Variants in ZC4H2 observed in about 807,000 individuals in gnomAD.
The protein encoded by ZC4H2 is zinc finger C4H2-type containing.
For synonymous variants in ZC4H2, 84 were observed against 66.3 expected (o/e 1.27, Z -1.30); for missense variants, 137 against 173.9 (o/e 0.79, Z 1.19).
At position 64,968,429 on chromosome X, in the gene ZC4H2, T is replaced by C. The variant is rs186368372; in HGVS notation, c.53+7896A>G. Among the ~76,000 whole-genome samples, 4 of 111,321 alleles carry C rather than the reference T, an allele frequency of 3.6e-5. No individual in the cohort carries two copies. In the East Asian group the frequency reaches 1.1e-3, roughly 32 times the overall value. ...GTGAATTCTTGTCCTGGCTCAGTCA[T>C]CAATTTTCAGGGTGAAATAGTGCAC... On this transcript the variant is annotated intron_variant, in intron 1 of 4. Transcript: ENST00000374839.
intron 1 of ZC4H2, among the ~76,000 whole-genome samples, chrX:64,949,303 G>A (rs1013997359): frequency 7.1e-5 from 8 of 112,043 alleles, no homozygotes; most frequent in Admixed American, 4.8e-4. Context: ...AGACTGTTTG[G>A]AAAGCTAAGG....
intron 1 of ZC4H2, among the ~76,000 whole-genome samples, chrX:65,001,929 G>A (rs749984599): frequency 3.9e-4 from 43 of 111,490 alleles, no homozygotes; most frequent in African/African-American, 1.3e-3. Context: ...CAGAAGCACC[G>A]AGTTTCATAA....
chrX:64,995,470 C>T (rs767938445), intron 1 of ZC4H2, among the ~76,000 whole-genome samples: 1 of 112,124 alleles, frequency 8.9e-6, no homozygotes, highest in South Asian at 3.7e-4. Context: ...AGTGATCCTC[C>T]CACCTCAGCT....
intron 1 of ZC4H2, among the ~76,000 whole-genome samples, chrX:65,032,723 TTTC>T (rs1932947907): frequency 2.0e-5 from 2 of 101,871 alleles, no homozygotes; most frequent in African/African-American, 3.6e-5. Context: ...TCCTCTAATG[TTTC>T]TTCTTTCTTT....
Position 64,941,796 on chromosome X carries a change from A to T in ZC4H2, c.54-19808T>A, listed in dbSNP as rs1228608973. On this transcript the variant is annotated intron_variant, in intron 1 of 4. Coordinates refer to ENST00000374839, the MANE Select transcript of ZC4H2 (RefSeq NM_018684.4). The stretch of plus-strand genomic sequence containing the variant: ...GATGTGCTGCTGGATTCGGTTTGCC[A>T]GTATTTCTCATTGATGTTAATCAGC... Among the ~76,000 whole-genome samples, 3 of 111,115 alleles carry T rather than the reference A, an allele frequency of 2.7e-5. No individual in the cohort carries two copies. The Admixed American group carries it at 2.9e-4, about 11-fold the overall frequency.
intron 1 of ZC4H2, among the ~76,000 whole-genome samples, chrX:64,922,927 A>G (rs1157717970): frequency 8.9e-6 from 1 of 112,150 alleles, no homozygotes; most frequent in Non-Finnish European, 1.9e-5. Context: ...CAGTTCCAGA[A>G]AAGGAAGGGG....
Position 64,940,076 on chromosome X carries a change from T to C in ZC4H2, c.54-18088A>G, listed in dbSNP as rs187507717. Among the ~76,000 whole-genome samples the C allele has an allele frequency of 5.0e-4, 56 of 112,006 alleles. 1 individual carries two copies. Among genetic ancestry groups the C allele is most frequent in the African/African-American group, 1.8e-3 (55 of 30,903 alleles). ...CACATCCTCTCCAGCTTCTGTTGTT[T>C]CCTGACGTTTTAATGATCACCATTC... is the stretch of plus-strand genomic sequence containing the variant. On this transcript the variant is annotated intron_variant, in intron 1 of 4. Coordinates refer to ENST00000374839, the MANE Select transcript of ZC4H2 (RefSeq NM_018684.4).
intron 1 of ZC4H2, among the ~76,000 whole-genome samples, chrX:64,937,063 G>T (rs746306789): frequency 9.5e-6 from 1 of 105,478 alleles, no homozygotes; most frequent in African/African-American, 3.7e-5. Context: ...AAAATAAAGA[G>T]ACAGAGTAAT....
At chrX:64,965,558 C>T (rs1319907346) in intron 1 of ZC4H2, 10 of 281,474 alleles carry the variant, frequency 3.6e-5, no homozygotes, top group South Asian at 6.6e-5. Context: ...TTTGTGAATA[C>T]GACTTAGGCA....
At chrX:64,998,281 G>A (rs1033055866) in intron 1 of ZC4H2, among the ~76,000 whole-genome samples, 1 of 111,832 alleles carries the variant, frequency 8.9e-6, no homozygotes, top group Non-Finnish European at 1.9e-5. Context: ...AATTCCTTTA[G>A]ATCTAAACAT....
rs1238008855 is a variant in ZC4H2 at position 64,921,823 on chromosome X, G to A, written c.219C>T (p.Ile73=). The A allele has an allele frequency of 8.3e-7, 1 of 1,207,734 alleles. No individual in the cohort carries two copies. The highest frequency in any genetic ancestry group is 1.1e-6 in the Non-Finnish European group (1 of 894,681). Reference sequence around the variant, plus strand: ...GCTCCAGGCAGCCACGTACCACATTGATGTCAGCGTGGATCAGTCGGAGTT... The same window carrying A: ...GCTCCAGGCAGCCACGTACCACATTAATGTCAGCGTGGATCAGTCGGAGTT... ...VEELRLIHAD[I]NVMENTIKQS... is the part of the protein sequence containing the mutation. Residue 73 remains isoleucine (I), a synonymous_variant, in exon 2 of 5, where the codon ATC becomes ATT. Transcript: ENST00000374839.
intron 1 of ZC4H2, among the ~76,000 whole-genome samples, chrX:64,966,565 G>C (rs771075354): frequency 8.9e-6 from 1 of 112,342 alleles, no homozygotes; most frequent in South Asian, 3.7e-4. Context: ...TCCTCAACTT[G>C]TGAGTGAACA....
chrX:64,986,921 CTT>C (rs1028871395), intron 1 of ZC4H2, among the ~76,000 whole-genome samples: 23 of 79,562 alleles, frequency 2.9e-4, no homozygotes, highest in Admixed American at 4.3e-4. Flanking sequence ...CAAGATAATT[CTT>C]TTTTTTTTTT....
At chrX:64,957,867 T>A (rs1008619263) in intron 1 of ZC4H2, among the ~76,000 whole-genome samples, 1 of 108,164 alleles carries the variant, frequency 9.2e-6, no homozygotes, top group Non-Finnish European at 1.9e-5. Context: ...GTTTCAAAAA[T>A]AAAAAAAAAT....
In ZC4H2 at chrX:64,916,394, A is replaced by G. The variant is rs1458245825; in HGVS notation, c.*1389T>C. ...TACCCAGAAAGGTAAATGACATTACATCTTTTGTATTATCCAATACACAGT... is the reference window on the plus strand; with the variant it reads ...TACCCAGAAAGGTAAATGACATTACGTCTTTTGTATTATCCAATACACAGT... On this transcript the variant is annotated 3_prime_UTR_variant, in exon 5 of 5. Coordinates refer to ENST00000374839, the MANE Select transcript of ZC4H2 (RefSeq NM_018684.4). 1.8e-5 allele frequency: 2 copies of G among 112,039 alleles called. No homozygotes were observed. Among genetic ancestry groups the G allele is most frequent in the Non-Finnish European group, 3.8e-5 (2 of 53,208 alleles). The allele number at this position is 112,039 out of a possible 1,213,427, so 9.2% of individuals were successfully genotyped here.
chrX:64,976,031 T>C (rs1931935928), intron 1 of ZC4H2, among the ~76,000 whole-genome samples: 1 of 111,407 alleles, frequency 9.0e-6, no homozygotes, highest in African/African-American at 3.3e-5. Flanking sequence ...ACAAGTACTT[T>C]TAAAAAACGT....
intron 1 of ZC4H2, among the ~76,000 whole-genome samples, chrX:64,952,561 T>A (rs1458025678): frequency 5.4e-5 from 6 of 110,939 alleles, no homozygotes; most frequent in African/African-American, 9.8e-5. Flanking sequence ...GTGAACTCCC[T>A]TTCACAGTTG....
chrX:64,944,025 G>C (rs1164670265), intron 1 of ZC4H2, among the ~76,000 whole-genome samples: 1 of 110,803 alleles, frequency 9.0e-6, no homozygotes, highest in African/African-American at 3.3e-5. Context: ...TGGTAGGCCT[G>C]GTGGTGACAA....
At chrX:64,987,689 A>AT (rs1319288820) in intron 1 of ZC4H2, among the ~76,000 whole-genome samples, 77 of 104,738 alleles carry the variant, frequency 7.4e-4, no homozygotes, top group East Asian at 6.9e-3. Flanking sequence ...TAAGCAAAGG[A>AT]TTTTTTTTTT....
Sources: allele counts gnomAD v4.1 joint callset (sites outside exome capture counted in the v4.1 genomes callset), GRCh38; gene constraint gnomAD v4.1.1; transcripts MANE v1.5; gene names NCBI Gene and HGNC (gene_info 2026-07-23, HGNC 2026-07-21).